Variants in MOGAT1 observed in about 807,000 individuals in gnomAD.
MOGAT1 encodes the protein monoacylglycerol O-acyltransferase 1, also known as 2-acylglycerol O-acyltransferase 1.
MOGAT1 carries 32 observed loss-of-function variants against 31.4 expected under a neutral mutation model. The observed-to-expected ratio is 1.02, with a 90% CI of 0.77 to 1.37. The LOEUF is 1.37. MOGAT1 is among the 40% of genes most tolerant of loss of function. The probability of loss-of-function intolerance (pLI) is 0.00; values close to 1 mark genes in which losing one functional copy is unlikely to be tolerated. For synonymous variants in MOGAT1, 145 were observed against 144.5 expected (o/e 1.00, Z -0.03); for missense variants, 426 against 402.0 (o/e 1.06, Z -0.51).
In MOGAT1 at chr2:222,694,546, T is replaced by C; in HGVS notation, c.653+10T>C. 6.2e-7 allele frequency: 1 copy of C among 1,611,112 alleles called. No individual in the cohort carries two copies. Among genetic ancestry groups the C allele is most frequent in the Non-Finnish European group, 8.5e-7 (1 of 1,178,798 alleles). On this transcript the variant is annotated intron_variant, in intron 4 of 5. Coordinates refer to ENST00000446656, the MANE Select transcript of MOGAT1 (RefSeq NM_058165.3). ...TTGCTTTGACCCATGGGTAAGTGGC[T>C]TTTTGTATAAAGTAGGGGGTCAGAA...
chr2:222,693,736 C>T (rs1004433057), intron 3 of MOGAT1, among the ~76,000 whole-genome samples: 1 of 152,062 alleles, frequency 6.6e-6, no homozygotes, highest in African/African-American at 2.4e-5. Flanking sequence ...CCTGCCCCCA[C>T]GAGTCAGTTA....
At chr2:222,680,547 G>A (rs1160816092) in intron 1 of MOGAT1, among the ~76,000 whole-genome samples, 2 of 152,148 alleles carry the variant, frequency 1.3e-5, no homozygotes, top group Middle Eastern at 6.8e-3. Flanking sequence ...AAAAACTCTG[G>A]GAGGCAAGTT....
Position 222,689,286 on chromosome 2 carries a change from G to A in MOGAT1, c.295G>A (p.Asp99Asn). Residue 99 changes from aspartate (D) to asparagine (N), a missense_variant, in exon 3 of 6, where the codon GAT (aspartate) becomes AAT (asparagine). Transcript: ENST00000446656. The part of the protein sequence containing the change: ...PIHLIKTQDL[D>N]PSHNYIFGFH... ...GTAGCTTATCAAAACTCAAGATTTGGATCCAAGTCACAACTATATATTTGG... is the reference window on the plus strand; with the variant it reads ...GTAGCTTATCAAAACTCAAGATTTGAATCCAAGTCACAACTATATATTTGG... 1.9e-6 allele frequency: 3 copies of A among 1,613,590 alleles called. No homozygotes were observed. The highest frequency in any genetic ancestry group is 2.5e-6 in the Non-Finnish European group (3 of 1,179,668).
intron 5 of MOGAT1, among the ~76,000 whole-genome samples, chr2:222,696,418 C>A (rs1177070002): frequency 6.6e-6 from 1 of 152,146 alleles, no homozygotes; most frequent in African/African-American, 2.4e-5. Flanking sequence ...TGCATCCACA[C>A]CAACATCTAT....
chr2:222,688,455 G>T lies in MOGAT1; in HGVS notation c.206G>T (p.Gly69Val), dbSNP rs201457540. The T allele has an allele frequency of 7.4e-5, 120 of 1,613,752 alleles. No homozygotes were observed. In the African/African-American group the frequency reaches 1.4e-3, roughly 19 times the overall value. Residue 69 changes from glycine to valine, a missense_variant, in exon 2 of 6, where the codon GGC (glycine) becomes GTC (valine). By Grantham distance (109) the Gly-to-Val change is moderately radical. Coordinates refer to ENST00000446656, the MANE Select transcript of MOGAT1 (RefSeq NM_058165.3). ...YFDWHTPERG[G>V]RRSSWIKNWT... ...GACTGGCATACCCCAGAGCGAGGAG[G>T]CAGGAGATCCAGCTGGATCAAAAAT...
chr2:222,695,594 A>G (rs920963670), intron 5 of MOGAT1, among the ~76,000 whole-genome samples: 4 of 152,240 alleles, frequency 2.6e-5, no homozygotes, highest in African/African-American at 9.6e-5. Context: ...CAATTATAGC[A>G]TAGCAATTCT....
intron 5 of MOGAT1, among the ~76,000 whole-genome samples, chr2:222,701,444 A>AAAGG (rs888455352): frequency 5.3e-5 from 8 of 149,818 alleles, no homozygotes; most frequent in African/African-American, 1.7e-4. Flanking sequence ...GAGAGGAGAG[A>AAAGG]AAGGAAGGAA....
rs116270359 is a variant in MOGAT1 at position 222,685,153 on chromosome 2, G to T, written c.95-3191G>T. Among the ~76,000 whole-genome samples the T allele has an allele frequency of 5.4e-3, 825 of 152,264 alleles. 10 individuals carry two copies. Among genetic ancestry groups the T allele is most frequent in the African/African-American group, 0.019 (797 of 41,542 alleles). ...ATAACCTGTTCATAGGGGAAAAAAG[G>T]CCAAAAGGAAAATTTTAAGAGTAAT... On this transcript the variant is annotated intron_variant, in intron 1 of 5. Coordinates refer to ENST00000446656, the MANE Select transcript of MOGAT1 (RefSeq NM_058165.3).
intron 5 of MOGAT1, chr2:222,699,499 T>TTTC (rs1692888361): frequency 7.3e-6 from 1 of 137,660 alleles, no homozygotes; most frequent in Non-Finnish European, 1.6e-5. Flanking sequence ...TCTTTTTTTT[T>TTTC]TTTTTTTTTT....
intron 4 of MOGAT1, 44 bp downstream of exon 4, chr2:222,694,580 A>G (rs762151355): frequency 1.3e-6 from 2 of 1,567,436 alleles, no homozygotes; most frequent in Non-Finnish European, 1.7e-6. Flanking sequence ...AAAAGTTAAG[A>G]CATTATTAAA....
Position 222,709,791 on chromosome 2 carries a change from G to A in MOGAT1, c.909G>A (p.Glu303=). ...QTLNPTQEQI[E]ELHQTYMEEL... ...TGAACCCGACCCAGGAGCAGATTGA[G>A]GAGTTACATCAGACCTATATGGAGG... Residue 303 remains glutamate, a synonymous_variant, in exon 6 of 6, where the codon GAG becomes GAA. Transcript: ENST00000446656. The A allele has an allele frequency of 6.2e-7, 1 of 1,613,580 alleles. No homozygotes were observed. Among genetic ancestry groups the A allele is most frequent in the Non-Finnish European group, 8.5e-7 (1 of 1,179,684 alleles).
intron 5 of MOGAT1, among the ~76,000 whole-genome samples, chr2:222,703,649 C>T (rs749911532): frequency 5.3e-5 from 8 of 152,144 alleles, no homozygotes; most frequent in African/African-American, 9.7e-5. Context: ...CCCTGATTTG[C>T]GTTCCAGCTT....
At chr2:222,707,295 G>A (rs1693016781) in intron 5 of MOGAT1, among the ~76,000 whole-genome samples, 1 of 147,698 alleles carries the variant, frequency 6.8e-6, no homozygotes, top group South Asian at 2.1e-4. Flanking sequence ...AGGAAGGAAG[G>A]AAGGAAAGGA....
intron 1 of MOGAT1, among the ~76,000 whole-genome samples, chr2:222,674,557 A>G (rs1204061870): frequency 2.0e-5 from 3 of 152,150 alleles, no homozygotes; most frequent in African/African-American, 4.8e-5. Context: ...CATCACCACA[A>G]TAATTGGCAT....
intron 5 of MOGAT1, among the ~76,000 whole-genome samples, chr2:222,695,892 G>T (rs953867238): frequency 6.6e-6 from 1 of 151,998 alleles, no homozygotes; most frequent in African/African-American, 2.4e-5. Flanking sequence ...CACCCAATAT[G>T]TAGTCTTTTA....
chr2:222,671,923 C>G (rs1328131973), intron 1 of MOGAT1, 44 bp downstream of exon 1: 1 of 1,455,762 alleles, frequency 6.9e-7, no homozygotes, highest in African/African-American at 1.4e-5. Flanking sequence ...GGCTCCATAT[C>G]CTCCCTCGGG....
At chr2:222,678,881 C>A (rs529063134) in intron 1 of MOGAT1, among the ~76,000 whole-genome samples, 78 of 152,238 alleles carry the variant, frequency 5.1e-4, no homozygotes, top group African/African-American at 1.7e-3. Flanking sequence ...GTGGAGGTTG[C>A]AGTGAGCTGA....
chr2:222,685,598 CTTT>C (rs574124301), intron 1 of MOGAT1, among the ~76,000 whole-genome samples: 1 of 120,000 alleles, frequency 8.3e-6, no homozygotes, highest in Non-Finnish European at 1.7e-5. Context: ...TCTTCTTCTT[CTTT>C]TTTTTTTTTT....
chr2:222,704,443 T>G (rs1327277963), intron 5 of MOGAT1, among the ~76,000 whole-genome samples: 1 of 151,790 alleles, frequency 6.6e-6, no homozygotes, highest in African/African-American at 2.4e-5. Context: ...GCTAACACGG[T>G]GAAACCCCGT....
Sources: gnomAD v4.1 joint callset for allele counts (sites outside exome capture counted in the v4.1 genomes callset) on GRCh38, gnomAD v4.1.1 for gene constraint, MANE v1.5 for transcripts, NCBI Gene and HGNC (gene_info 2026-07-23, HGNC 2026-07-21) for gene names.